INO80: variants seen among roughly 807,000 people sequenced by gnomAD.
The protein encoded by INO80 is chromatin-remodeling ATPase INO80.
Under a neutral mutation model 203.4 loss-of-function variants are expected in INO80, and 20 were observed. That is an observed-to-expected ratio of 0.10 (90% confidence interval 0.07 to 0.14). INO80 has a LOEUF of 0.14. INO80 is among the 10% of genes least tolerant of loss of function. The pLI is 1.00. For synonymous variants in INO80, 726 were observed against 685.2 expected (o/e 1.06, Z -0.93); for missense variants, 1,419 against 1,914.4 (o/e 0.74, Z 4.83).
chr15:41,047,581 T>C (rs1355603844), intron 22 of INO80, 80 bp from the exon 23 acceptor site: 1 of 990,742 alleles, frequency 1.0e-6, no homozygotes, highest in Non-Finnish European at 1.5e-6. Flanking sequence ...ACTGCTGAGT[T>C]TTGACTTAAG....
intron 1 of INO80, among the ~76,000 whole-genome samples, chr15:41,099,650 C>T (rs1429870000): frequency 6.6e-6 from 1 of 151,704 alleles, no homozygotes; most frequent in Admixed American, 6.6e-5. Context: ...AGTGTAGTGG[C>T]ATGCACCTGT....
At chr15:41,035,910 C>T (rs2044565600) in intron 24 of INO80, among the ~76,000 whole-genome samples, 3 of 148,400 alleles carry the variant, frequency 2.0e-5, no homozygotes, top group African/African-American at 7.4e-5. Flanking sequence ...GGGCAGATCA[C>T]TTGAGGCCAG....
Position 41,095,569 on chromosome 15 carries a change from C to G in INO80, c.381+32G>C, listed in dbSNP as rs756803962. On this transcript the variant is annotated intron_variant, in intron 4 of 35. Transcript: ENST00000648947. ...TCTATTAGTAACTTTAGTAGACTAT[C>G]TGCACTGTAAACACCCTGCTTTATC... 2.5e-5 allele frequency: 37 copies of G among 1,492,312 alleles called. No individual in the cohort carries two copies. The Admixed American group carries it at 2.8e-4, about 11-fold the overall frequency. The allele number at this position is 1,492,312 out of a possible 1,614,324, so 92.4% of individuals were successfully genotyped here. A position where few individuals can be genotyped will look rare whatever the true frequency, so the allele number is the denominator to read the frequency against.
chr15:41,089,189 A>T (rs2045600217), intron 5 of INO80, among the ~76,000 whole-genome samples: 1 of 152,118 alleles, frequency 6.6e-6, no homozygotes, highest in African/African-American at 2.4e-5. Context: ...CCATCTCAAA[A>T]AATAAAACAA....
In INO80 at chr15:41,005,637, G is replaced by C. The variant is rs772973395; in HGVS notation, c.3453C>G (p.Ser1151=). The C allele has an allele frequency of 2.5e-5, 40 of 1,610,004 alleles. No individual in the cohort carries two copies. The highest frequency in any genetic ancestry group is 3.4e-5 in the Non-Finnish European group (40 of 1,176,792). Residue 1151 remains serine, a synonymous_variant, in exon 28 of 36, where the codon TCC becomes TCG. Transcript: ENST00000648947. Reference sequence around the variant, plus strand: ...CCATGTCTCGCCTCTCCGAGATCTTGGATGAGCCATCAAGCCTCATGTAGG... The same window carrying C: ...CCATGTCTCGCCTCTCCGAGATCTTCGATGAGCCATCAAGCCTCATGTAGG... ...KHTYMRLDGS[S]KISERRDMVA...
At chr15:40,987,772 C>G in intron 30 of INO80, 44 bp downstream of exon 30, 1 of 1,576,140 alleles carries the variant, frequency 6.3e-7, no homozygotes, top group South Asian at 1.1e-5. Flanking sequence ...GTTGGACTTT[C>G]TGTTTGCTCC....
At chr15:41,050,352 C>A (rs941642594) in intron 19 of INO80, among the ~76,000 whole-genome samples, 16 of 152,172 alleles carry the variant, frequency 1.1e-4, no homozygotes, top group African/African-American at 3.9e-4. Flanking sequence ...ACTGTGCCAA[C>A]TAACACCCAT....
At chr15:41,034,254 G>C (rs759060932) in intron 24 of INO80, among the ~76,000 whole-genome samples, 1 of 152,166 alleles carries the variant, frequency 6.6e-6, no homozygotes, top group East Asian at 1.9e-4. Flanking sequence ...GTGGGTGAGT[G>C]CAAGGGTTTT....
chr15:41,057,420 A>T (rs1294638494), intron 16 of INO80, among the ~76,000 whole-genome samples: 1 of 146,700 alleles, frequency 6.8e-6, no homozygotes, highest in Non-Finnish European at 1.5e-5. Flanking sequence ...CCACTGCACC[A>T]CTCCATCCTG....
chr15:41,017,903 CCT>C (rs1382738261), intron 26 of INO80: 9 of 152,286 alleles, frequency 5.9e-5, no homozygotes, highest in African/African-American at 1.7e-4. Context: ...ACTGCTAAGC[CCT>C]CTCCCTGGCA....
At chr15:41,043,735 T>G (rs2044707170) in intron 24 of INO80, among the ~76,000 whole-genome samples, 1 of 152,188 alleles carries the variant, frequency 6.6e-6, no homozygotes, top group Non-Finnish European at 1.5e-5. Flanking sequence ...ACTCCTCTTC[T>G]CAAAACTCTC....
At chr15:41,023,781 A>AAC (rs2044332208) in intron 25 of INO80, among the ~76,000 whole-genome samples, 1 of 148,452 alleles carries the variant, frequency 6.7e-6, no homozygotes, top group African/African-American at 2.5e-5. Flanking sequence ...AAAAAAAAAA[A>AAC]AACAAAACAA....
At position 41,092,145 on chromosome 15, in the gene INO80, G is replaced by T; in HGVS notation, c.419C>A (p.Ser140Tyr). The T allele has an allele frequency of 1.2e-6, 2 of 1,609,434 alleles. No homozygotes were observed. The highest frequency in any genetic ancestry group is 1.7e-6 in the Non-Finnish European group (2 of 1,176,298). ...LLSDESSEADSQSEDDDEEEL... is the reference protein window; with the variant it reads ...LLSDESSEADYQSEDDDEEEL... ...TTCTTCATCATCGTCTTCACTCTGA[G>T]AATCAGCCTCGCTGGATTCATCACT... The change falls in exon 5 of 36, where the codon TCT (serine) becomes TAT (tyrosine). Residue 140 changes from serine to tyrosine, a missense_variant. Physicochemically the swap from Ser to Tyr is moderately radical, Grantham distance 144 (BLOSUM62 -2). Transcript: ENST00000648947.
chr15:41,000,052 A>G (rs2043938729), intron 28 of INO80, among the ~76,000 whole-genome samples: 1 of 152,124 alleles, frequency 6.6e-6, no homozygotes, highest in Non-Finnish European at 1.5e-5. Flanking sequence ...GCTATATATC[A>G]TACCAATGCA....
chr15:41,061,283 G>C (rs918161612), intron 14 of INO80, among the ~76,000 whole-genome samples: 9 of 151,964 alleles, frequency 5.9e-5, no homozygotes, highest in African/African-American at 2.2e-4. Flanking sequence ...CTGGGCAACA[G>C]AGCAAGACTT....
intron 5 of INO80, among the ~76,000 whole-genome samples, chr15:41,090,739 AAC>A (rs2045625924): frequency 6.6e-6 from 1 of 152,126 alleles, no homozygotes. Context: ...ATATTAAAAA[AAC>A]ACTGAATTGC....
At chr15:40,996,629 TCC>T (rs2043885533) in intron 29 of INO80, among the ~76,000 whole-genome samples, 1 of 152,166 alleles carries the variant, frequency 6.6e-6, no homozygotes. Context: ...CAGCCAGGAA[TCC>T]TCTTTTCTTC....
At chr15:41,114,925 G>A (rs1272609900) in intron 1 of INO80, among the ~76,000 whole-genome samples, 1 of 151,918 alleles carries the variant, frequency 6.6e-6, no homozygotes. Context: ...TCTCTTTTAG[G>A]GTGATGAATT....
intron 25 of INO80, among the ~76,000 whole-genome samples, chr15:41,023,035 A>G (rs1200706709): frequency 6.6e-6 from 1 of 150,790 alleles, no homozygotes; most frequent in African/African-American, 2.4e-5. Flanking sequence ...TAGGAGGCAG[A>G]TGTTGCAATG....
Sources: allele counts gnomAD v4.1 joint callset (sites outside exome capture counted in the v4.1 genomes callset), GRCh38; gene constraint gnomAD v4.1.1; transcripts MANE v1.5; gene names NCBI Gene and HGNC (gene_info 2026-07-23, HGNC 2026-07-21).